Variants in ARPC1A observed in about 807,000 individuals in gnomAD.
ARPC1A encodes actin-related protein 2/3 complex subunit 1A.
ARPC1A carries 8 observed loss-of-function variants against 46.9 expected under a neutral mutation model. The ratio of observed to expected loss-of-function variants is 0.17; its 90% CI spans 0.10 to 0.31. The LOEUF is 0.31. ARPC1A is among the 10% of genes least tolerant of loss of function. The pLI, the probability that ARPC1A is intolerant of heterozygous loss-of-function variation, is 1.00. For missense variants in ARPC1A, 286 were observed against 483.6 expected (o/e 0.59, Z 3.83); for synonymous variants, 152 against 169.0 (o/e 0.90, Z 0.78).
At chr7:99,332,667 G>A (rs528066510) in intron 1 of ARPC1A, among the ~76,000 whole-genome samples, 12 of 151,094 alleles carry the variant, frequency 7.9e-5, no homozygotes, top group East Asian at 1.9e-4. Context: ...GCAGTAGCGC[G>A]ATGTCGGCTC....
At chr7:99,353,304 G>A (rs1246267776) in intron 5 of ARPC1A, among the ~76,000 whole-genome samples, 3 of 149,590 alleles carry the variant, frequency 2.0e-5, no homozygotes, top group Admixed American at 6.7e-5. Flanking sequence ...GACTACAGGC[G>A]CCTGCCACCA....
intron 5 of ARPC1A, among the ~76,000 whole-genome samples, chr7:99,352,618 A>C (rs1419763605): frequency 6.7e-5 from 10 of 148,280 alleles, no homozygotes. Flanking sequence ...ACACCACTAC[A>C]CTCCATCCCG....
intron 8 of ARPC1A, among the ~76,000 whole-genome samples, chr7:99,362,599 C>T (rs2150875966): frequency 6.6e-6 from 1 of 150,878 alleles, no homozygotes; most frequent in African/African-American, 2.4e-5. Context: ...ACCTCGGCCT[C>T]CCAGAGTGCT....
intron 4 of ARPC1A, among the ~76,000 whole-genome samples, chr7:99,345,682 G>T (rs1007701809): frequency 2.6e-5 from 4 of 151,896 alleles, no homozygotes; most frequent in African/African-American, 7.3e-5. Context: ...TTATTTTTCT[G>T]TGTGGCATGT....
chr7:99,360,616 C>G (rs187744632), intron 8 of ARPC1A, among the ~76,000 whole-genome samples: 1 of 152,186 alleles, frequency 6.6e-6, no homozygotes, highest in Non-Finnish European at 1.5e-5. Context: ...CGTAAGCTAC[C>G]GTGCCTGGCC....
rs575497656 is a variant in ARPC1A, at chr7:99,354,260, C to T, written c.713+139C>T. On this transcript the variant is annotated intron_variant, in intron 6 of 9. Transcript: ENST00000262942. ...TAATCAGGCCAGGCGTGGTGGCTCACGCCTGTAATCCCAGCACTTTGGGAG... is the reference window on the plus strand; with the variant it reads ...TAATCAGGCCAGGCGTGGTGGCTCATGCCTGTAATCCCAGCACTTTGGGAG... 125 of 971,158 alleles carry T rather than the reference C, an allele frequency of 1.3e-4. No individual in the cohort carries two copies. The East Asian group carries it at 2.7e-3, about 21-fold the overall frequency. 60.2% of individuals were successfully genotyped at this position (971,158 alleles called of 1,614,324 possible).
chr7:99,334,675 G>A lies in ARPC1A; in HGVS notation c.64+1258G>A, dbSNP rs186335944. ...TTTCATTTTTTTCTTCTTTTTTTCT[G>A]TGTTTATTTATTTATTTATTTATTG... On this transcript the variant is annotated intron_variant, in intron 2 of 9. Transcript: ENST00000262942. Among the ~76,000 whole-genome samples the A allele has an allele frequency of 7.0e-4, 106 of 151,858 alleles. 1 individual carries two copies. The Middle Eastern group carries it at 0.01, about 15-fold the overall frequency.
At chr7:99,357,487 ATT>A (rs79469623) in intron 6 of ARPC1A, among the ~76,000 whole-genome samples, 3 of 144,230 alleles carry the variant, frequency 2.1e-5, no homozygotes, top group Admixed American at 7.0e-5. Context: ...CTCTAGGCTA[ATT>A]TTTTTTTTTT....
intron 1 of ARPC1A, among the ~76,000 whole-genome samples, chr7:99,332,533 C>T (rs1793160328): frequency 1.3e-5 from 2 of 151,912 alleles, no homozygotes; most frequent in African/African-American, 4.8e-5. Context: ...CGACCCTGAA[C>T]AGAATAAATT....
intron 8 of ARPC1A, among the ~76,000 whole-genome samples, chr7:99,362,366 C>G (rs1183640443): frequency 8.0e-6 from 1 of 125,350 alleles, no homozygotes; most frequent in African/African-American, 3.1e-5. Flanking sequence ...GATGGAGTCT[C>G]TGTCACCCAG....
At chr7:99,335,119 C>T (rs1793220210) in intron 2 of ARPC1A, among the ~76,000 whole-genome samples, 1 of 151,974 alleles carries the variant, frequency 6.6e-6, no homozygotes, top group African/African-American at 2.4e-5. Context: ...GCTGGGATTA[C>T]AGGTGTAAGC....
intron 2 of ARPC1A, among the ~76,000 whole-genome samples, chr7:99,335,715 G>A (rs547405428): frequency 2.9e-4 from 44 of 152,216 alleles, no homozygotes; most frequent in African/African-American, 8.2e-4. Flanking sequence ...AGCACTTTGG[G>A]AGGCCAAGGC....
chr7:99,362,793 A>G (rs544967589), intron 8 of ARPC1A, among the ~76,000 whole-genome samples: 1 of 152,126 alleles, frequency 6.6e-6, no homozygotes, highest in South Asian at 2.1e-4. Flanking sequence ...TGAGCAATGG[A>G]TGATTGTCTT....
intron 9 of ARPC1A, among the ~76,000 whole-genome samples, 179 bp from the exon 10 acceptor site, chr7:99,365,712 A>G (rs1047218060): frequency 6.6e-6 from 1 of 150,998 alleles, no homozygotes; most frequent in Admixed American, 6.6e-5. Context: ...CAGCAGGGGG[A>G]GCCCCGGCCT....
chr7:99,363,830 A>G (rs1486623667), intron 9 of ARPC1A, among the ~76,000 whole-genome samples, 197 bp downstream of exon 9: 1 of 151,948 alleles, frequency 6.6e-6, no homozygotes, highest in Non-Finnish European at 1.5e-5. Flanking sequence ...ATGCACCACC[A>G]TGCTCCGTGA....
rs1172071932 is a variant in ARPC1A at position 99,344,920 on chromosome 7, C to CTTTTTTTTTTTTTTTTTTT, written c.392+416_392+434dup. Among the ~76,000 whole-genome samples the CTTTTTTTTTTTTTTTTTTT allele has an allele frequency of 6.0e-4, 12 of 20,108 alleles. 3 individuals carry two copies. The highest frequency in any genetic ancestry group is 1.7e-3 in the African/African-American group (8 of 4,574). The allele number at this position is 20,108 out of a possible 152,430, so 13.2% of individuals were successfully genotyped here. Reference sequence around the variant, plus strand: ...TAGGATTCCTACAGATAACAATGTTCTTTTTTTTTTTTTTTTTTTTTTTTT... The same window carrying CTTTTTTTTTTTTTTTTTTT: ...TAGGATTCCTACAGATAACAATGTTCTTTTTTTTTTTTTTTTTTTTTTTTTTTTTTTTTTTTTTTTTTTT... On this transcript the variant is annotated intron_variant, in intron 4 of 9. Coordinates refer to ENST00000262942, the MANE Select transcript of ARPC1A (RefSeq NM_006409.4).
At chr7:99,340,279 C>G (rs1277648487) in intron 3 of ARPC1A, among the ~76,000 whole-genome samples, 1 of 152,144 alleles carries the variant, frequency 6.6e-6, no homozygotes, top group Non-Finnish European at 1.5e-5. Flanking sequence ...TCTCCCGCCT[C>G]AGCCTCCCGA....
intron 5 of ARPC1A, among the ~76,000 whole-genome samples, chr7:99,353,018 C>G (rs1793570179): frequency 6.6e-6 from 1 of 151,804 alleles, no homozygotes; most frequent in African/African-American, 2.4e-5. Context: ...TTGGGTTGGC[C>G]TGTAGATAGC....
intron 8 of ARPC1A, among the ~76,000 whole-genome samples, chr7:99,363,299 G>A (rs551357452): frequency 6.6e-6 from 1 of 152,288 alleles, no homozygotes; most frequent in African/African-American, 2.4e-5. Context: ...TCATTTCCTG[G>A]TGGAGCGTGG....
Sources: gnomAD v4.1 joint callset for allele counts (sites outside exome capture counted in the v4.1 genomes callset) on GRCh38, gnomAD v4.1.1 for gene constraint, MANE v1.5 for transcripts, NCBI Gene and HGNC (gene_info 2026-07-23, HGNC 2026-07-21) for gene names.